Variants in PLCB1 observed in about 807,000 individuals in gnomAD.
PLCB1 encodes phospholipase C beta 1, also known as 1-phosphatidylinositol 4,5-bisphosphate phosphodiesterase beta-1.
A neutral mutation model predicts 161.8 loss-of-function variants in PLCB1; 46 were observed. That is an observed-to-expected ratio of 0.28 (90% CI 0.22 to 0.36). The LOEUF (loss-of-function observed/expected upper bound fraction) is 0.36. Among genes scored for constraint, PLCB1 ranks in the 10% least tolerant of loss-of-function variants. The pLI, the probability that PLCB1 is intolerant of heterozygous loss-of-function variation, is 1.00. For missense variants in PLCB1, 1,016 were observed against 1,472.5 expected (o/e 0.69, Z 5.07); for synonymous variants, 517 against 503.7 (o/e 1.03, Z -0.35).
At chr20:8,802,904 A>C (rs890652646) in intron 31 of PLCB1, among the ~76,000 whole-genome samples, 2 of 152,234 alleles carry the variant, frequency 1.3e-5, no homozygotes, top group Non-Finnish European at 2.9e-5. Context: ...AGCATAAGCC[A>C]TTCCAAAGAG....
chr20:8,635,046 T>A (rs1988718028), intron 4 of PLCB1, among the ~76,000 whole-genome samples: 1 of 152,208 alleles, frequency 6.6e-6, no homozygotes, highest in South Asian at 2.1e-4. Flanking sequence ...ATGACTTCCA[T>A]GCATAGCCCA....
intron 4 of PLCB1, among the ~76,000 whole-genome samples, chr20:8,632,025 GT>G (rs1257156959): frequency 5.0e-5 from 4 of 79,834 alleles, no homozygotes; most frequent in Admixed American, 1.4e-4. Flanking sequence ...ACAAATATGG[GT>G]TTTTTTTGCT....
intron 27 of PLCB1, among the ~76,000 whole-genome samples, chr20:8,783,876 A>G (rs1983354773): frequency 6.6e-6 from 1 of 152,150 alleles, no homozygotes. Flanking sequence ...AGTATGACTG[A>G]CCCAACTTGG....
intron 13 of PLCB1, among the ~76,000 whole-genome samples, chr20:8,717,288 C>A (rs1183042089): frequency 6.6e-6 from 1 of 152,198 alleles, no homozygotes; most frequent in East Asian, 1.9e-4. Flanking sequence ...TCTTTACCAA[C>A]TCCTCCTGGC....
At chr20:8,864,482 T>A (rs1987359319) in intron 31 of PLCB1, among the ~76,000 whole-genome samples, 1 of 152,204 alleles carries the variant, frequency 6.6e-6, no homozygotes, top group South Asian at 2.1e-4. Context: ...CACTCATGTC[T>A]CTGCCTAGCA....
At chr20:8,879,706 T>TATC (rs924816937) in intron 31 of PLCB1, among the ~76,000 whole-genome samples, 1 of 152,170 alleles carries the variant, frequency 6.6e-6, no homozygotes, top group Non-Finnish European at 1.5e-5. Flanking sequence ...TGGCAAAATT[T>TATC]ATCTGTCACA....
At chr20:8,878,861 A>G (rs1987873619) in intron 31 of PLCB1, among the ~76,000 whole-genome samples, 1 of 152,058 alleles carries the variant, frequency 6.6e-6, no homozygotes, top group Non-Finnish European at 1.5e-5. Flanking sequence ...ACATATATGT[A>G]TGAGTATATT....
At chr20:8,228,977 T>TA (rs911149265) in intron 2 of PLCB1, among the ~76,000 whole-genome samples, 2 of 152,090 alleles carry the variant, frequency 1.3e-5, no homozygotes, top group Middle Eastern at 3.2e-3. Flanking sequence ...TGTCGAACAC[T>TA]AGAACTCATT....
At chr20:8,693,823 C>T (rs1318779628) in intron 10 of PLCB1, among the ~76,000 whole-genome samples, 1 of 152,148 alleles carries the variant, frequency 6.6e-6, no homozygotes. Flanking sequence ...TAACCAGCCA[C>T]CCAAAATGAA....
chr20:8,229,528 C>T (rs1313096470), intron 2 of PLCB1, among the ~76,000 whole-genome samples: 11 of 152,122 alleles, frequency 7.2e-5, no homozygotes, highest in Non-Finnish European at 1.6e-4. Flanking sequence ...ATTAAAAATT[C>T]AATTCCTCCA....
intron 3 of PLCB1, among the ~76,000 whole-genome samples, chr20:8,409,536 C>A (rs1333638283): frequency 6.6e-6 from 1 of 151,834 alleles, no homozygotes; most frequent in South Asian, 2.1e-4. Context: ...GGTCTTGGCT[C>A]ACTGCAACCT....
At position 8,294,378 on chromosome 20, in the gene PLCB1, A is replaced by C. The variant is rs546557886; in HGVS notation, c.178-77004A>C. The stretch of plus-strand genomic sequence containing the variant: ...CCAATAAACTGGTGAAAATTTAAAA[A>C]TCTGACATTACCAAAAGTTGAGGAT... On this transcript the variant is annotated intron_variant, in intron 2 of 31. Coordinates refer to ENST00000338037, the MANE Select transcript of PLCB1 (RefSeq NM_015192.4). Among the ~76,000 whole-genome samples the C allele has an allele frequency of 5.4e-4, 82 of 152,134 alleles. 2 individuals carry two copies. In the South Asian group the frequency reaches 0.016, roughly 30 times the overall value.
intron 3 of PLCB1, among the ~76,000 whole-genome samples, chr20:8,569,290 A>G (rs1165231231): frequency 6.6e-6 from 1 of 152,232 alleles, no homozygotes; most frequent in African/African-American, 2.4e-5. Flanking sequence ...TACAAAGTAA[A>G]CAAGTATTTC....
chr20:8,557,505 G>A lies in PLCB1; in HGVS notation c.247-70789G>A, dbSNP rs566333445. 1.0e-3 allele frequency among the ~76,000 whole-genome samples: 156 copies of A among 152,104 alleles called. 1 individual carries two copies. Among genetic ancestry groups the A allele is most frequent in the African/African-American group, 3.7e-3 (154 of 41,528 alleles). ...GATAACTAGAGGAGTCAAATTTATA[G>A]AGGCAGAGTGGCAGTTGCCAGGGGA... On this transcript the variant is annotated intron_variant, in intron 3 of 31. Transcript: ENST00000338037.
At chr20:8,871,485 C>A (rs1987608108) in intron 31 of PLCB1, among the ~76,000 whole-genome samples, 1 of 152,166 alleles carries the variant, frequency 6.6e-6, no homozygotes. Context: ...GGCTACAATA[C>A]AGTCTTCATT....
In PLCB1 at chr20:8,132,862, A is replaced by G. The variant is rs940182250; in HGVS notation, c.99+112A>G. On this transcript the variant is annotated intron_variant, in intron 1 of 31. Coordinates refer to ENST00000338037, the MANE Select transcript of PLCB1 (RefSeq NM_015192.4). This position sits in a 1 kb window ranked among gnomAD's most constrained non-coding sequence, Gnocchi z 5.2. ...TGCAATGGGCGCACTGGGAGCGGGC[A>G]GGGGCAGCCTCGGGCGCACAGGTTG... The G allele has an allele frequency of 4.1e-6, 3 of 737,430 alleles. No individual in the cohort carries two copies. Among genetic ancestry groups the G allele is most frequent in the African/African-American group, 1.8e-5 (1 of 55,952 alleles). 45.7% of individuals were successfully genotyped at this position (737,430 alleles called of 1,614,324 possible).
chr20:8,704,984 CTTT>C (rs368791318), intron 11 of PLCB1, among the ~76,000 whole-genome samples: 1 of 118,806 alleles, frequency 8.4e-6, no homozygotes, highest in East Asian at 2.6e-4. Context: ...CTCCTTTACT[CTTT>C]TTTTTTTTTT....
chr20:8,238,481 T>C (rs983479824), intron 2 of PLCB1, among the ~76,000 whole-genome samples: 28 of 151,906 alleles, frequency 1.8e-4, no homozygotes, highest in African/African-American at 6.0e-4. Context: ...ATAAACTACA[T>C]TATGAACAAT....
intron 2 of PLCB1, among the ~76,000 whole-genome samples, chr20:8,210,887 G>C (rs1398052287): frequency 2.6e-5 from 4 of 152,086 alleles, no homozygotes; most frequent in Non-Finnish European, 5.9e-5. Flanking sequence ...GAGGCACAAG[G>C]CTTGGTGATG....
Sources: gnomAD v4.1 joint callset for allele counts (sites outside exome capture counted in the v4.1 genomes callset) on GRCh38, gnomAD v4.1.1 for gene constraint, Gnocchi (gnomAD v3.1) non-coding constraint, MANE v1.5 for transcripts, NCBI Gene and HGNC (gene_info 2026-07-23, HGNC 2026-07-21) for gene names.